AFF4: variants seen among roughly 807,000 people sequenced by gnomAD.
AFF4 encodes ALF transcription elongation factor 4, also known as AF4/FMR2 family member 4.
In AFF4, 13 loss-of-function variants were observed where a neutral mutation model predicts 124.8. The observed-to-expected ratio is 0.10, with a 90% confidence interval of 0.07 to 0.17. The LOEUF is 0.17. AFF4 is among the 10% of genes least tolerant of loss of function. The pLI is 1.00. For synonymous variants in AFF4, 477 were observed against 496.1 expected, an observed-to-expected ratio of 0.96 and a Z score of 0.51; for missense variants, 1,092 against 1,403.8, an observed-to-expected ratio of 0.78 and a Z score of 3.55.
chr5:132,963,438 TCGGCGGCGG>T lies in AFF4; in HGVS notation c.-193_-185del, dbSNP rs28372769. ...GAGGCCTCGACAAACGAAGGCGGCG[TCGGCGGCGG>T]CGGCAGCGATGCGCCTCACACGGAA... On this transcript the variant is annotated 5_prime_UTR_variant, in exon 1 of 21. Coordinates refer to ENST00000265343, the MANE Select transcript of AFF4 (RefSeq NM_014423.4). 2.8e-5 allele frequency: 11 copies of T among 397,772 alleles called. No homozygotes were observed. Among genetic ancestry groups the T allele is most frequent in the East Asian group, 1.8e-4 (5 of 28,044 alleles). 24.6% of individuals were successfully genotyped at this position (397,772 alleles called of 1,614,324 possible).
intron 11 of AFF4, among the ~76,000 whole-genome samples, chr5:132,894,376 T>C (rs1225016361): frequency 6.6e-6 from 1 of 152,188 alleles, no homozygotes; most frequent in Non-Finnish European, 1.5e-5. Flanking sequence ...GCCTAGTGAC[T>C]CAAAAAACTT....
At chr5:132,961,168 T>G (rs528495135) in intron 1 of AFF4, among the ~76,000 whole-genome samples, 1 of 152,194 alleles carries the variant, frequency 6.6e-6, no homozygotes, top group South Asian at 2.1e-4. Context: ...GAGGTTGCAG[T>G]GAGCAGAGAT....
At chr5:132,913,874 G>C (rs1760849605) in intron 5 of AFF4, among the ~76,000 whole-genome samples, 1 of 152,104 alleles carries the variant, frequency 6.6e-6, no homozygotes, top group Non-Finnish European at 1.5e-5. Context: ...AATCAAAACA[G>C]AAAATATGCA....
At chr5:132,892,894 G>T in intron 12 of AFF4, 136 bp downstream of exon 12, 4 of 730,228 alleles carry the variant, frequency 5.5e-6, no homozygotes, top group South Asian at 1.9e-5. Context: ...CCCACTATTT[G>T]GCATATGTTA....
In AFF4 at chr5:132,876,577, A is replaced by AT. The variant is rs1759844819; in HGVS notation, c.*4481dup. 2.4e-5 allele frequency: 5 copies of AT among 208,178 alleles called. No individual in the cohort carries two copies. The allele number at this position is 208,178 out of a possible 1,614,324, so 12.9% of individuals were successfully genotyped here. On this transcript the variant is annotated 3_prime_UTR_variant, in exon 21 of 21. Coordinates refer to ENST00000265343, the MANE Select transcript of AFF4 (RefSeq NM_014423.4). ...TCCTGAAAGTCAACTTCTTTACATG[A>AT]TGACTACTTAGGCTGCTATTTTAGG...
At chr5:132,894,162 C>A (rs917062933) in intron 11 of AFF4, among the ~76,000 whole-genome samples, 4 of 152,202 alleles carry the variant, frequency 2.6e-5, no homozygotes, top group African/African-American at 9.7e-5. Context: ...TTTGTGTGGA[C>A]ATGTTTTCAT....
chr5:132,921,028 G>C lies in AFF4; in HGVS notation c.1050+6093C>G, dbSNP rs187060203. On this transcript the variant is annotated intron_variant, in intron 5 of 20. Coordinates refer to ENST00000265343, the MANE Select transcript of AFF4 (RefSeq NM_014423.4). The stretch of plus-strand genomic sequence containing the variant: ...TGCAGTCCCAGCTACTCGAGAGGCC[G>C]AGGCAGGAGAATGGTGTGAACTCGG... 1.3e-3 allele frequency among the ~76,000 whole-genome samples: 201 copies of C among 151,788 alleles called. 3 individuals carry two copies. The Middle Eastern group carries it at 0.017, about 13-fold the overall frequency.
chr5:132,936,790 G>A (rs954075208), intron 2 of AFF4, among the ~76,000 whole-genome samples: 9 of 152,148 alleles, frequency 5.9e-5, no homozygotes, highest in African/African-American at 2.2e-4. Context: ...TTAGGGTGCT[G>A]GTAATGCTCT....
intron 20 of AFF4, 151 bp from the exon 21 acceptor site, chr5:132,881,337 C>A: frequency 1.3e-6 from 1 of 799,352 alleles, no homozygotes; most frequent in Non-Finnish European, 1.9e-6. Flanking sequence ...TAGAGCAAAT[C>A]ATTCCATAGT....
chr5:132,947,259 C>T (rs1443932042), intron 1 of AFF4, among the ~76,000 whole-genome samples: 3 of 151,774 alleles, frequency 2.0e-5, no homozygotes, highest in African/African-American at 7.3e-5. Context: ...AAAAATTAGC[C>T]GGGTGTGGTA....
At position 132,896,590 on chromosome 5, in the gene AFF4, T is replaced by C. The variant is rs1416147495; in HGVS notation, c.2040A>G (p.Ser680=). ...ESNRTPVKPS[S]VEEEDSFFRQ... is the part of the protein sequence containing the mutation. ...GAAAAAAGCTATCTTCTTCCTCCAC[T>C]GAGGAGGGTTTAACAGGAGTCCTAT... The change falls in exon 11 of 21, where the codon TCA becomes TCG. Residue 680 remains serine, a synonymous_variant. Coordinates refer to ENST00000265343, the MANE Select transcript of AFF4 (RefSeq NM_014423.4). 6.2e-7 allele frequency: 1 copy of C among 1,613,986 alleles called. No homozygotes were observed. The highest frequency in any genetic ancestry group is 2.2e-5 in the East Asian group (1 of 44,886).
chr5:132,923,385 AG>A (rs1463157958), intron 5 of AFF4, among the ~76,000 whole-genome samples: 2,490 of 152,042 alleles, frequency 0.016, 69 homozygotes, highest in African/African-American at 0.056. Context: ...AGAGAGAGAG[AG>A]AGAGAGAGAG....
intron 3 of AFF4, among the ~76,000 whole-genome samples, 194 bp downstream of exon 3, chr5:132,933,951 AAG>A (rs1253911812): frequency 6.6e-6 from 1 of 152,162 alleles, no homozygotes; most frequent in Non-Finnish European, 1.5e-5. Context: ...TCCATTTCCC[AAG>A]AGGACGAGTT....
At chr5:132,901,207 C>A (rs1676522730) in intron 7 of AFF4, 13 of 956,646 alleles carry the variant, frequency 1.4e-5, no homozygotes, top group Non-Finnish European at 1.6e-5. Context: ...AACTTGTTTA[C>A]ACATGTGAAT....
chr5:132,902,454 T>G lies in AFF4; in HGVS notation c.1121A>C (p.His374Pro). 1 of 1,609,262 alleles carries G rather than the reference T, an allele frequency of 6.2e-7. No individual in the cohort carries two copies. The change falls in exon 7 of 21, where the codon CAC (histidine) becomes CCC (proline). Residue 374 changes from histidine to proline, a missense_variant. Physicochemically the swap from His to Pro is moderately conservative, Grantham distance 77. This residue lies in a region of AFF4 where 148 missense variants were observed against 196.3 expected (regional missense o/e 0.75). Transcript: ENST00000265343. ...GCAATAAACTTACGATTTAGACTGG[T>G]GCCCATTTGAAGTTTTAGAAGGATT... Reference protein sequence around the residue: ...RYNPSKTSNGHQSKSMLKDDL... With the variant: ...RYNPSKTSNGPQSKSMLKDDL...
chr5:132,922,513 G>A (rs1263192841), intron 5 of AFF4, among the ~76,000 whole-genome samples: 2 of 152,206 alleles, frequency 1.3e-5, no homozygotes, highest in African/African-American at 4.8e-5. Context: ...TGGGCTCAGT[G>A]GTTCATGCCT....
In AFF4 at chr5:132,896,491, T is replaced by G; in HGVS notation, c.2139A>C (p.Pro713=). 6.2e-7 allele frequency: 1 copy of G among 1,614,196 alleles called. No homozygotes were observed. The highest frequency in any genetic ancestry group is 8.5e-7 in the Non-Finnish European group (1 of 1,180,028). The part of the protein sequence containing the change: ...SPLSEPDDRY[P]LIVKIDLNLL... ...GATTCAGGTCAATCTTCACAATAAG[T>G]GGGTACCTGTCATCAGGCTCACTGA... The change falls in exon 11 of 21, where the codon CCA becomes CCC. Residue 713 remains proline, a synonymous_variant. Transcript: ENST00000265343.
intron 5 of AFF4, among the ~76,000 whole-genome samples, chr5:132,908,205 T>C (rs1016877474): frequency 1.3e-5 from 2 of 152,100 alleles, no homozygotes; most frequent in Non-Finnish European, 2.9e-5. Flanking sequence ...TTACTACTTA[T>C]GTATAAGATT....
chr5:132,895,919 T>C (rs1760379016), intron 11 of AFF4, among the ~76,000 whole-genome samples: 1 of 151,360 alleles, frequency 6.6e-6, no homozygotes, highest in South Asian at 2.1e-4. Flanking sequence ...GTTATTTAAG[T>C]GTGACTTGGT....
Sources: allele counts gnomAD v4.1 joint callset (sites outside exome capture counted in the v4.1 genomes callset), GRCh38; gene constraint gnomAD v4.1.1; regional missense constraint gnomAD v4.1.1; transcripts MANE v1.5; gene names NCBI Gene and HGNC (gene_info 2026-07-23, HGNC 2026-07-21).